The following IQSEC3 variants were observed in gnomAD, a reference collection of about 807,000 sequenced individuals.
IQSEC3 encodes the protein IQ motif and SEC7 domain-containing protein 3.
IQSEC3 carries 50 observed loss-of-function variants against 105.4 expected under a neutral mutation model. The observed-to-expected ratio is 0.47, with a 90% CI of 0.38 to 0.60. The LOEUF (loss-of-function observed/expected upper bound fraction) is 0.60, where lower values mean the gene tolerates loss of function less well. Ranked by LOEUF, IQSEC3 falls within the 20% of genes least tolerant of loss-of-function variation. The pLI is 0.00. For missense variants in IQSEC3, 1,415 were observed against 1,630.0 expected (o/e 0.87, Z 2.27); for synonymous variants, 708 against 746.0 (o/e 0.95, Z 0.83).
chr12:125,544 G>A, intron 2 of IQSEC3, 89 bp from the exon 3 acceptor site: 3 of 1,315,770 alleles, frequency 2.3e-6, no homozygotes. Context: ...AGGCAGGCCA[G>A]AGTGCCTAGC....
At chr12:161,358 G>A (rs1009663028) in intron 7 of IQSEC3, among the ~76,000 whole-genome samples, 1 of 152,178 alleles carries the variant, frequency 6.6e-6, no homozygotes, top group Non-Finnish European at 1.5e-5. Context: ...TGAAGCAGGA[G>A]GTGGGACAGG....
In IQSEC3 at chr12:145,224, T is replaced by C. The variant is rs193240752; in HGVS notation, c.2153+3939T>C. ...TCTCATATGAATCAAACGTTTTCAA[T>C]GTACATGAAGTGCCTGATGCTTAGT... On this transcript the variant is annotated intron_variant, in intron 5 of 13. Transcript: ENST00000538872. 3.9e-5 allele frequency among the ~76,000 whole-genome samples: 6 copies of C among 152,360 alleles called. No individual in the cohort carries two copies. In the East Asian group the frequency reaches 7.7e-4, roughly 20 times the overall value.
intron 1 of IQSEC3, among the ~76,000 whole-genome samples, chr12:98,618 C>T (rs1864315479): frequency 6.6e-6 from 1 of 152,176 alleles, no homozygotes; most frequent in Non-Finnish European, 1.5e-5. Flanking sequence ...CACCAAATGC[C>T]TCATCAAGCA....
chr12:149,634 C>T (rs1555092064), intron 5 of IQSEC3, among the ~76,000 whole-genome samples: 1 of 152,108 alleles, frequency 6.6e-6, no homozygotes, highest in Admixed American at 6.5e-5. Context: ...TGAAGGAGCC[C>T]GTAGCCTCGT....
intron 8 of IQSEC3, among the ~76,000 whole-genome samples, chr12:162,659 C>A (rs527949412): frequency 6.6e-6 from 1 of 152,200 alleles, no homozygotes; most frequent in Non-Finnish European, 1.5e-5. Context: ...AGGCCCTGCA[C>A]TGGGCTCCCT....
At chr12:72,352 G>C in intron 1 of IQSEC3, among the ~76,000 whole-genome samples, 1 of 149,918 alleles carries the variant, frequency 6.7e-6, no homozygotes, top group African/African-American at 2.5e-5. Context: ...GGGAAGGGCT[G>C]GGACAAACAT....
At position 138,090 on chromosome 12, in the gene IQSEC3, TGCCACGTG is replaced by T. The variant is rs1865843551; in HGVS notation, c.904-172_904-165del. On this transcript the variant is annotated intron_variant, in intron 3 of 13. Coordinates refer to ENST00000538872, the MANE Select transcript of IQSEC3 (RefSeq NM_001170738.2). This position sits in a 1 kb window ranked among gnomAD's most constrained non-coding sequence, Gnocchi z 7.1. ...CTCCGTCCTACACCTCTAGGAGTCT[TGCCACGTG>T]GCCAGGACGTTCTAGGCGGTTCAGA... 6.6e-6 allele frequency among the ~76,000 whole-genome samples: 1 copy of T among 152,092 alleles called. No individual in the cohort carries two copies. Among genetic ancestry groups the T allele is most frequent in the Admixed American group, 6.5e-5 (1 of 15,272 alleles).
rs561122048 is a variant in IQSEC3, at chr12:75,784, T to C, written c.554+8348T>C. Among the ~76,000 whole-genome samples the C allele has an allele frequency of 8.5e-5, 13 of 152,332 alleles. No individual in the cohort carries two copies. In the East Asian group the frequency reaches 2.5e-3, roughly 29 times the overall value. On this transcript the variant is annotated intron_variant, in intron 1 of 13. Coordinates refer to ENST00000538872, the MANE Select transcript of IQSEC3 (RefSeq NM_001170738.2). ...CATGGATTGTTGAGTGGAGGTGGGT[T>C]GTGGTATCAGGGCTGAGGAAGAGTT...
intron 2 of IQSEC3, among the ~76,000 whole-genome samples, chr12:117,559 GCCACC>G (rs1412141237): frequency 6.6e-6 from 1 of 152,184 alleles, no homozygotes; most frequent in Non-Finnish European, 1.5e-5. Flanking sequence ...GTCTGCAGGA[GCCACC>G]CTGTGGCCCA....
intron 1 of IQSEC3, among the ~76,000 whole-genome samples, chr12:69,981 C>T (rs1555067071): frequency 6.6e-6 from 1 of 152,272 alleles, no homozygotes; most frequent in Non-Finnish European, 1.5e-5. Flanking sequence ...CCTGGTATTG[C>T]TCCTGGGGAG....
At chr12:163,401 C>T (rs1867014511) in intron 8 of IQSEC3, 93 bp from the exon 9 acceptor site, 1 of 1,414,674 alleles carries the variant, frequency 7.1e-7, no homozygotes, top group South Asian at 1.4e-5. Flanking sequence ...CCTCCCCTCT[C>T]CCGGGCTGTC....
At chr12:172,208 TTC>T (rs1413432285) in intron 13 of IQSEC3, among the ~76,000 whole-genome samples, 2 of 151,874 alleles carry the variant, frequency 1.3e-5, no homozygotes, top group Non-Finnish European at 2.9e-5. Flanking sequence ...GCTCAGTGTC[TTC>T]TCTCTCCCCC....
At chr12:88,445 T>A (rs1453084511) in intron 1 of IQSEC3, among the ~76,000 whole-genome samples, 2 of 152,226 alleles carry the variant, frequency 1.3e-5, no homozygotes, top group African/African-American at 4.8e-5. Flanking sequence ...TTATCCTTCT[T>A]TTCCTTGATG....
At chr12:122,481 C>T (rs1865253291) in intron 2 of IQSEC3, among the ~76,000 whole-genome samples, 1 of 152,166 alleles carries the variant, frequency 6.6e-6, no homozygotes, top group Non-Finnish European at 1.5e-5. Context: ...CACAACAAGG[C>T]TATTTTTTAA....
intron 1 of IQSEC3, 34 bp from the exon 2 acceptor site, chr12:99,112 C>G: frequency 1.3e-6 from 2 of 1,584,238 alleles, no homozygotes; most frequent in Non-Finnish European, 1.7e-6. Flanking sequence ...CAGCCTGCCT[C>G]AGGCGCTCTG....
rs1327433636 is a variant in IQSEC3, at chr12:125,879, T to A, written c.870T>A (p.Asp290Glu). 1.3e-6 allele frequency: 2 copies of A among 1,533,634 alleles called. No homozygotes were observed. Among genetic ancestry groups the A allele is most frequent in the African/African-American group, 2.7e-5 (2 of 72,882 alleles). ...GCCCCCACGCCCCTGCCGCCTCCGATTACGAACTCTCCCTTGACCTAAAGA... is the reference window on the plus strand; with the variant it reads ...GCCCCCACGCCCCTGCCGCCTCCGAATACGAACTCTCCCTTGACCTAAAGA... Reference protein sequence around the residue: ...ALCPHAPAASDYELSLDLKNK... With the variant: ...ALCPHAPAASEYELSLDLKNK... The change falls in exon 3 of 14, where the codon GAT (aspartate) becomes GAA (glutamate). Residue 290 changes from aspartate (D) to glutamate (E), a missense_variant. By Grantham distance (45) the Asp-to-Glu change is conservative. Around this residue, in one of 6 missense-constraint regions of IQSEC3, gnomAD observed 720 missense variants for 633.0 expected, o/e 1.14. Coordinates refer to ENST00000538872, the MANE Select transcript of IQSEC3 (RefSeq NM_001170738.2).
intron 5 of IQSEC3, among the ~76,000 whole-genome samples, chr12:156,575 G>A (rs1317555016): frequency 2.0e-5 from 3 of 152,166 alleles, no homozygotes; most frequent in Admixed American, 2.0e-4. Context: ...CAGCAGAAGG[G>A]ATCCAACGGA....
At chr12:125,553 G>T in intron 2 of IQSEC3, 80 bp from the exon 3 acceptor site, 1 of 1,371,102 alleles carries the variant, frequency 7.3e-7, no homozygotes, top group Admixed American at 3.2e-5. Context: ...AGAGTGCCTA[G>T]CTTCTCTCCC....
rs1357031439 is a variant in IQSEC3, at chr12:176,078, G to T, written c.*1045G>T. On this transcript the variant is annotated 3_prime_UTR_variant, in exon 14 of 14. Coordinates refer to ENST00000538872, the MANE Select transcript of IQSEC3 (RefSeq NM_001170738.2). The surrounding 1 kb of genome is among the most constrained non-coding windows in gnomAD (Gnocchi z 4.0). ...GCAGATGTAAGCAAGAAAAACCGGGGCTCCAGAGGCATGTGCATTTCCCCT... is the reference window on the plus strand; with the variant it reads ...GCAGATGTAAGCAAGAAAAACCGGGTCTCCAGAGGCATGTGCATTTCCCCT... The T allele has an allele frequency of 6.6e-6, 1 of 152,178 alleles. No individual in the cohort carries two copies. Among genetic ancestry groups the T allele is most frequent in the African/African-American group, 2.4e-5 (1 of 41,430 alleles). 9.4% of individuals were successfully genotyped at this position (152,178 alleles called of 1,614,324 possible). A position where few individuals can be genotyped will look rare whatever the true frequency, so the allele number is the denominator to read the frequency against.
Sources: allele counts gnomAD v4.1 joint callset (sites outside exome capture counted in the v4.1 genomes callset), GRCh38; gene constraint gnomAD v4.1.1; regional missense constraint gnomAD v4.1.1; non-coding constraint Gnocchi (gnomAD v3.1); transcripts MANE v1.5; gene names NCBI Gene and HGNC (gene_info 2026-07-23, HGNC 2026-07-21).